The following NEGR1 variants were observed in gnomAD, a reference collection of about 807,000 sequenced individuals.
The protein encoded by NEGR1 is neuronal growth regulator 1.
NEGR1 carries 10 observed loss-of-function variants against 40.9 expected under a neutral mutation model. The observed-to-expected ratio is 0.24, with a 90% confidence interval of 0.15 to 0.42. The LOEUF is 0.42. NEGR1 is among the 10% of genes least tolerant of loss of function. The pLI is 1.00. For missense variants in NEGR1, 352 were observed against 438.9 expected, an observed-to-expected ratio of 0.80 and a Z score of 1.77; for synonymous variants, 185 against 166.8, an observed-to-expected ratio of 1.11 and a Z score of -0.84.
At chr1:71,989,259 A>G (rs974236839) in intron 1 of NEGR1, among the ~76,000 whole-genome samples, 16 of 152,282 alleles carry the variant, frequency 1.1e-4, no homozygotes, top group Middle Eastern at 3.4e-3. Context: ...AAACCTAAAC[A>G]CTTGTTTACC....
chr1:72,079,811 A>G (rs922000274), intron 1 of NEGR1, among the ~76,000 whole-genome samples: 2 of 152,142 alleles, frequency 1.3e-5, no homozygotes, highest in African/African-American at 4.8e-5. Context: ...GTTCTATAAT[A>G]GTTTCAAGTG....
At chr1:72,174,670 T>C (rs12117225) in intron 1 of NEGR1, among the ~76,000 whole-genome samples, 31,398 of 152,026 alleles carry the variant, frequency 0.21, 3,756 homozygotes, top group South Asian at 0.28. Flanking sequence ...AGAACAAAGA[T>C]CCCACATTAC....
chr1:72,084,109 T>C (rs1557518218), intron 1 of NEGR1, among the ~76,000 whole-genome samples: 1 of 152,158 alleles, frequency 6.6e-6, no homozygotes, highest in Non-Finnish European at 1.5e-5. Flanking sequence ...TCTTTTTTTT[T>C]CTTTTACAGG....
intron 6 of NEGR1, among the ~76,000 whole-genome samples, chr1:71,574,748 T>C (rs1048529046): frequency 6.6e-6 from 1 of 152,196 alleles, no homozygotes; most frequent in Non-Finnish European, 1.5e-5. Context: ...TTAGAAGCCT[T>C]AATAATTTAT....
intron 1 of NEGR1, among the ~76,000 whole-genome samples, chr1:72,024,360 G>C (rs958239102): frequency 3.3e-5 from 5 of 151,468 alleles, no homozygotes; most frequent in Non-Finnish European, 7.4e-5. Flanking sequence ...GGTTTATAAG[G>C]CACCTATATA....
chr1:71,928,263 C>T (rs951389737), intron 2 of NEGR1, among the ~76,000 whole-genome samples: 1 of 52,170 alleles, frequency 1.9e-5, no homozygotes, highest in Non-Finnish European at 3.9e-5. Flanking sequence ...TATGTATATA[C>T]GTATATATGT....
At chr1:71,677,044 C>A (rs918212045) in intron 4 of NEGR1, among the ~76,000 whole-genome samples, 2 of 152,152 alleles carry the variant, frequency 1.3e-5, no homozygotes, top group African/African-American at 4.8e-5. Context: ...TCATTTATTT[C>A]ATCTGTGAAA....
At chr1:71,712,705 T>C (rs760985647) in intron 3 of NEGR1, among the ~76,000 whole-genome samples, 7 of 152,182 alleles carry the variant, frequency 4.6e-5, no homozygotes, top group Non-Finnish European at 8.8e-5. Context: ...TTTGAGTCCC[T>C]GGTATCCCTG....
chr1:72,023,873 C>T (rs1324139762), intron 1 of NEGR1, among the ~76,000 whole-genome samples: 1 of 152,042 alleles, frequency 6.6e-6, no homozygotes, highest in Non-Finnish European at 1.5e-5. Context: ...GCTATGCTCT[C>T]CTGCCTTGAC....
chr1:72,040,497 G>T (rs1464932359), intron 1 of NEGR1, among the ~76,000 whole-genome samples: 3 of 134,570 alleles, frequency 2.2e-5, no homozygotes, highest in Non-Finnish European at 4.6e-5. Context: ...AATGGAAATG[G>T]AATAGATGCT....
chr1:71,418,217 TG>T (rs759710474), intron 6 of NEGR1, among the ~76,000 whole-genome samples: 3 of 151,554 alleles, frequency 2.0e-5, no homozygotes, highest in East Asian at 3.9e-4. Flanking sequence ...TATAGTTCAA[TG>T]GGGAAAAAAT....
At chr1:71,468,895 G>A (rs899841389) in intron 6 of NEGR1, 11 of 151,998 alleles carry the variant, frequency 7.2e-5, no homozygotes, top group African/African-American at 2.2e-4. Flanking sequence ...AACATTGAAC[G>A]TGATATTAAA....
chr1:72,230,572 C>A (rs10159193), intron 1 of NEGR1, among the ~76,000 whole-genome samples: 1,980 of 152,194 alleles, frequency 0.013, 45 homozygotes, highest in African/African-American at 0.046. Context: ...GTCCTTGGAT[C>A]TCAAATGTCC....
At position 71,853,485 on chromosome 1, in the gene NEGR1, A is replaced by G. The variant is rs577087917; in HGVS notation, c.410-77188T>C. 7.9e-5 allele frequency among the ~76,000 whole-genome samples: 12 copies of G among 152,234 alleles called. 1 individual carries two copies. In the South Asian group the frequency reaches 1.9e-3, roughly 24 times the overall value. Reference sequence around the variant, plus strand: ...TTTTACAAAGACAATTGTGTCCAGTATAATTGAGCAGAATTCTTCCAAACC... The same window carrying G: ...TTTTACAAAGACAATTGTGTCCAGTGTAATTGAGCAGAATTCTTCCAAACC... On this transcript the variant is annotated intron_variant, in intron 2 of 6. Coordinates refer to ENST00000357731, the MANE Select transcript of NEGR1 (RefSeq NM_173808.3).
chr1:71,431,739 TGA>T (rs1249558449), intron 6 of NEGR1, among the ~76,000 whole-genome samples: 1 of 152,174 alleles, frequency 6.6e-6, no homozygotes, highest in African/African-American at 2.4e-5. Flanking sequence ...CATCAAGTAG[TGA>T]TACATTCTAA....
At chr1:72,083,633 G>A (rs1221068019) in intron 1 of NEGR1, among the ~76,000 whole-genome samples, 1 of 152,054 alleles carries the variant, frequency 6.6e-6, no homozygotes, top group African/African-American at 2.4e-5. Flanking sequence ...TTTAATAATA[G>A]TGGCATTTGT....
At chr1:72,118,381 T>C (rs936019703) in intron 1 of NEGR1, among the ~76,000 whole-genome samples, 9 of 151,784 alleles carry the variant, frequency 5.9e-5, no homozygotes, top group African/African-American at 1.7e-4. Context: ...TTAAATCCCA[T>C]ATTTCTTACA....
intron 1 of NEGR1, among the ~76,000 whole-genome samples, chr1:72,037,401 C>G (rs1646912613): frequency 6.6e-6 from 1 of 152,092 alleles, no homozygotes; most frequent in African/African-American, 2.4e-5. Flanking sequence ...GTTATTCCTA[C>G]TTCACAAATG....
At chr1:72,122,098 G>A (rs1649826607) in intron 1 of NEGR1, among the ~76,000 whole-genome samples, 1 of 151,846 alleles carries the variant, frequency 6.6e-6, no homozygotes, top group South Asian at 2.1e-4. Flanking sequence ...TATACTGCAA[G>A]AACATATTTT....
Sources: gnomAD v4.1 joint callset for allele counts (sites outside exome capture counted in the v4.1 genomes callset) on GRCh38, gnomAD v4.1.1 for gene constraint, MANE v1.5 for transcripts, NCBI Gene and HGNC (gene_info 2026-07-23, HGNC 2026-07-21) for gene names.